Variants in MARCHF2 observed in about 807,000 individuals in gnomAD.
The protein encoded by MARCHF2 is E3 ubiquitin-protein ligase MARCHF2.
MARCHF2 carries 22 observed loss-of-function variants against 24.0 expected under a neutral mutation model. The ratio of observed to expected loss-of-function variants is 0.92; its 90% CI spans 0.66 to 1.31. MARCHF2 has a LOEUF of 1.31. Ranked by LOEUF, MARCHF2 falls within the 50% of genes most tolerant of loss-of-function variation. MARCHF2 has a pLI of 0.00. For missense variants in MARCHF2, 301 were observed against 335.3 expected, an observed-to-expected ratio of 0.90 and a Z score of 0.80; for synonymous variants, 154 against 153.0, an observed-to-expected ratio of 1.01 and a Z score of -0.05.
At chr19:8,417,758 T>G (rs1044773051) in intron 1 of MARCHF2, among the ~76,000 whole-genome samples, 1 of 110,616 alleles carries the variant, frequency 9.0e-6, no homozygotes, top group African/African-American at 3.5e-5. Flanking sequence ...CTTTTTTTTT[T>G]TTTTTTTTTT....
At chr19:8,437,176 C>A (rs937940565) in intron 4 of MARCHF2, among the ~76,000 whole-genome samples, 2 of 151,900 alleles carry the variant, frequency 1.3e-5, no homozygotes, top group Non-Finnish European at 2.9e-5. Flanking sequence ...GACAAGGTCT[C>A]GCTATGTTGC....
At chr19:8,433,675 CAA>C (rs143853447) in intron 4 of MARCHF2, among the ~76,000 whole-genome samples, 92 of 90,684 alleles carry the variant, frequency 1.0e-3, no homozygotes, top group African/African-American at 2.8e-3. Context: ...GACTCCGTCT[CAA>C]AAAAAAAAAA....
At chr19:8,414,916 G>A (rs1017281921) in intron 1 of MARCHF2, among the ~76,000 whole-genome samples, 1 of 152,180 alleles carries the variant, frequency 6.6e-6, no homozygotes, top group African/African-American at 2.4e-5. Context: ...GCATAGCCAG[G>A]AGGGCCAGGA....
rs1309501077 is a variant in MARCHF2, at chr19:8,415,721, C to CAAAAAAAAAAAAAAAA, written c.-53+2314_-53+2315insAAAAAAAAAAAAAAAA. Among the ~76,000 whole-genome samples, 43 of 17,790 alleles carry CAAAAAAAAAAAAAAAA rather than the reference C, an allele frequency of 2.4e-3. 1 individual carries two copies. The highest frequency in any genetic ancestry group is 3.7e-3 in the Non-Finnish European group (33 of 8,808). The allele number at this position is 17,790 out of a possible 152,430, so 11.7% of individuals were successfully genotyped here. On this transcript the variant is annotated intron_variant, in intron 1 of 4. Coordinates refer to ENST00000215555, the MANE Select transcript of MARCHF2 (RefSeq NM_001005415.2). The stretch of plus-strand genomic sequence containing the variant: ...GGGCAACAAGAGTGAAACTCCATCT[C>CAAAAAAAAAAAAAAAA]AAAAAAAAAAAAACAAAAAAAACAA...
intron 1 of MARCHF2, among the ~76,000 whole-genome samples, chr19:8,414,357 C>T (rs1398917158): frequency 6.6e-6 from 1 of 151,944 alleles, no homozygotes. Flanking sequence ...GCAACCTCTG[C>T]CTCCCAGATT....
chr19:8,419,578 A>T (rs1176659103), intron 1 of MARCHF2, among the ~76,000 whole-genome samples: 2 of 151,748 alleles, frequency 1.3e-5, no homozygotes, highest in African/African-American at 4.8e-5. Context: ...GCACTTTGGG[A>T]GGCCGAGGCG....
chr19:8,422,485 C>A (rs1013307530), intron 2 of MARCHF2, among the ~76,000 whole-genome samples: 1 of 151,852 alleles, frequency 6.6e-6, no homozygotes, highest in Admixed American at 6.6e-5. Context: ...CTCCGCCTCC[C>A]AGGTTCAAGT....
At chr19:8,426,556 A>C (rs1179174026) in intron 2 of MARCHF2, 53 bp from the exon 3 acceptor site, 1 of 1,460,636 alleles carries the variant, frequency 6.8e-7, no homozygotes, top group African/African-American at 1.4e-5. Context: ...GTAGTGAAGC[A>C]GGTATAGACA....
At chr19:8,434,531 G>T (rs913167581) in intron 4 of MARCHF2, among the ~76,000 whole-genome samples, 1 of 151,426 alleles carries the variant, frequency 6.6e-6, no homozygotes, top group East Asian at 1.9e-4. Context: ...CATTGTATGG[G>T]TGGACCATAT....
chr19:8,422,487 G>T (rs1456947088), intron 2 of MARCHF2, among the ~76,000 whole-genome samples: 1 of 151,856 alleles, frequency 6.6e-6, no homozygotes, highest in African/African-American at 2.4e-5. Context: ...CCGCCTCCCA[G>T]GTTCAAGTGA....
At chr19:8,433,528 T>C (rs1250878124) in intron 4 of MARCHF2, among the ~76,000 whole-genome samples, 1 of 150,902 alleles carries the variant, frequency 6.6e-6, no homozygotes, top group African/African-American at 2.4e-5. Flanking sequence ...AATACAAAAT[T>C]AGCTGTGTGT....
chr19:8,438,169 G>GT (rs1967781077), intron 4 of MARCHF2, among the ~76,000 whole-genome samples: 1 of 152,128 alleles, frequency 6.6e-6, no homozygotes, highest in Admixed American at 6.6e-5. Context: ...TGTGTGGGGT[G>GT]TATCTTGTCT....
chr19:8,438,727 G>GA lies in MARCHF2; in HGVS notation c.*181_*182insA. On this transcript the variant is annotated 3_prime_UTR_variant, in exon 5 of 5. Coordinates refer to ENST00000215555, the MANE Select transcript of MARCHF2 (RefSeq NM_001005415.2). The stretch of plus-strand genomic sequence containing the variant: ...GTGATCCTGTGTGAAGATATTTTCA[G>GA]GGTTTTTTTTTTTTTTTTTTTGCAT... 3.6e-6 allele frequency: 2 copies of GA among 548,646 alleles called. No homozygotes were observed. Among genetic ancestry groups the GA allele is most frequent in the Admixed American group, 3.3e-5 (1 of 30,386 alleles). 34.0% of individuals were successfully genotyped at this position (548,646 alleles called of 1,614,324 possible).
At chr19:8,415,362 C>G (rs1967047943) in intron 1 of MARCHF2, among the ~76,000 whole-genome samples, 1 of 150,610 alleles carries the variant, frequency 6.6e-6, no homozygotes, top group African/African-American at 2.4e-5. Context: ...TGCCCTCCAG[C>G]CTTTTGGGTG....
chr19:8,420,030 C>T lies in MARCHF2; in HGVS notation c.-52-1759C>T, dbSNP rs1164558829. On this transcript the variant is annotated intron_variant, in intron 1 of 4. Transcript: ENST00000215555. ...AAAATTAGCCGGGTGTGTTGGCGGG[C>T]GCCTGTAGTCCCAGCTACTCAGGAG... Among the ~76,000 whole-genome samples, 27 of 149,482 alleles carry T rather than the reference C, an allele frequency of 1.8e-4. No homozygotes were observed. In the East Asian group the frequency reaches 3.7e-3, roughly 21 times the overall value.
At chr19:8,427,686 G>C (rs1967445239) in intron 3 of MARCHF2, 1 of 152,158 alleles carries the variant, frequency 6.6e-6, no homozygotes, top group African/African-American at 2.4e-5. Context: ...AAGCTGCCGG[G>C]CGCGGTGGCT....
intron 4 of MARCHF2, among the ~76,000 whole-genome samples, chr19:8,435,794 G>T (rs1469215092): frequency 1.3e-5 from 2 of 151,836 alleles, no homozygotes; most frequent in African/African-American, 4.8e-5. Context: ...TTCCCAGAGT[G>T]CTGGGATTAT....
chr19:8,428,499 A>G (rs1362217252), intron 3 of MARCHF2, among the ~76,000 whole-genome samples: 1 of 150,400 alleles, frequency 6.6e-6, no homozygotes, highest in Non-Finnish European at 1.5e-5. Context: ...AACGATGAGG[A>G]AAAAGCTAGG....
intron 4 of MARCHF2, among the ~76,000 whole-genome samples, chr19:8,431,330 C>T (rs1967577106): frequency 6.6e-6 from 1 of 151,402 alleles, no homozygotes; most frequent in Non-Finnish European, 1.5e-5. Context: ...GAAACCCCAT[C>T]TCTACTAAAA....
Sources: allele counts gnomAD v4.1 joint callset (sites outside exome capture counted in the v4.1 genomes callset), GRCh38; gene constraint gnomAD v4.1.1; transcripts MANE v1.5; gene names NCBI Gene and HGNC (gene_info 2026-07-23, HGNC 2026-07-21).